MARCHF1: variants seen among roughly 807,000 people sequenced by gnomAD.
The protein encoded by MARCHF1 is E3 ubiquitin-protein ligase MARCHF1.
MARCHF1 carries 40 observed loss-of-function variants against 54.2 expected under a neutral mutation model. The observed-to-expected ratio is 0.74, with a 90% CI of 0.57 to 0.96. The LOEUF (loss-of-function observed/expected upper bound fraction) is 0.96. MARCHF1 is among the 40% of genes least tolerant of loss of function. The pLI is 0.00. For synonymous variants in MARCHF1, 236 were observed against 236.3 expected, an observed-to-expected ratio of 1.00 and a Z score of 0.01; for missense variants, 586 against 656.5, an observed-to-expected ratio of 0.89 and a Z score of 1.17.
At chr4:163,863,185 T>C (rs573818756) in intron 3 of MARCHF1, among the ~76,000 whole-genome samples, 1 of 152,098 alleles carries the variant, frequency 6.6e-6, no homozygotes, top group East Asian at 1.9e-4. Flanking sequence ...AGTTCAGGGA[T>C]CCCAGGATGG....
chr4:164,172,712 T>A (rs987382420), intron 1 of MARCHF1, among the ~76,000 whole-genome samples: 3 of 152,244 alleles, frequency 2.0e-5, no homozygotes, highest in Non-Finnish European at 4.4e-5. Flanking sequence ...GCGCGGTGGC[T>A]CACGCCTGTA....
At chr4:163,887,242 GGA>G (rs986808098) in intron 3 of MARCHF1, among the ~76,000 whole-genome samples, 14 of 152,116 alleles carry the variant, frequency 9.2e-5, no homozygotes, top group African/African-American at 3.1e-4. Context: ...TGATTGGGGA[GGA>G]GAGGGGACAT....
At chr4:163,638,305 A>G (rs2111023425) in intron 5 of MARCHF1, among the ~76,000 whole-genome samples, 1 of 152,146 alleles carries the variant, frequency 6.6e-6, no homozygotes, top group Non-Finnish European at 1.5e-5. Context: ...GGGCTGGTGA[A>G]AAACGTATGG....
chr4:164,088,295 T>C (rs1314535860), intron 2 of MARCHF1, among the ~76,000 whole-genome samples: 1 of 152,202 alleles, frequency 6.6e-6, no homozygotes, highest in Non-Finnish European at 1.5e-5. Flanking sequence ...GAAGTAAAGT[T>C]TGATAATTCT....
intron 4 of MARCHF1, among the ~76,000 whole-genome samples, chr4:163,719,515 G>A (rs1465721616): frequency 1.3e-5 from 2 of 152,156 alleles, no homozygotes; most frequent in Non-Finnish European, 2.9e-5. Context: ...CTTTATAGCA[G>A]CATGTTTTGT....
chr4:163,802,220 G>A (rs914826217), intron 4 of MARCHF1, among the ~76,000 whole-genome samples: 3 of 152,012 alleles, frequency 2.0e-5, no homozygotes, highest in African/African-American at 7.2e-5. Flanking sequence ...CCCTCAACAT[G>A]CCAGAGTCTA....
At chr4:164,109,331 T>C (rs1238541454) in intron 2 of MARCHF1, among the ~76,000 whole-genome samples, 1 of 152,024 alleles carries the variant, frequency 6.6e-6, no homozygotes, top group East Asian at 1.9e-4. Flanking sequence ...TTCAAAGTGC[T>C]ATCTTCAGTT....
rs545483141 is a variant in MARCHF1 at position 164,080,647 on chromosome 4, A to C, written c.-248+30941T>G. Reference sequence around the variant, plus strand: ...TTTCAAAGAAATCTAATAGTATTCTATTGTGTGTGTGTGTGTGTGTGTGTA... The same window carrying C: ...TTTCAAAGAAATCTAATAGTATTCTCTTGTGTGTGTGTGTGTGTGTGTGTA... On this transcript the variant is annotated intron_variant, in intron 2 of 9. Coordinates refer to ENST00000514618, the MANE Select transcript of MARCHF1 (RefSeq NM_001394959.1). 1.1e-3 allele frequency among the ~76,000 whole-genome samples: 167 copies of C among 145,738 alleles called. 1 individual carries two copies. Among genetic ancestry groups the C allele is most frequent in the Non-Finnish European group, 2.1e-3 (138 of 66,744 alleles).
chr4:163,608,596 C>A (rs1403454893), intron 7 of MARCHF1, among the ~76,000 whole-genome samples: 2 of 152,040 alleles, frequency 1.3e-5, no homozygotes, highest in Non-Finnish European at 2.9e-5. Context: ...TACTTTTCCA[C>A]TGCACTGTGG....
At chr4:164,044,554 C>A (rs1263846738) in intron 2 of MARCHF1, among the ~76,000 whole-genome samples, 1 of 151,560 alleles carries the variant, frequency 6.6e-6, no homozygotes, top group East Asian at 1.9e-4. Context: ...TACACAAATC[C>A]AAACCATATC....
At chr4:164,079,995 G>C (rs1220112768) in intron 2 of MARCHF1, among the ~76,000 whole-genome samples, 3 of 151,906 alleles carry the variant, frequency 2.0e-5, no homozygotes, top group African/African-American at 7.3e-5. Context: ...CTTGATTCTG[G>C]GCTGTCCTGT....
chr4:164,372,666 TTGAA>T (rs1458893417), intron 1 of MARCHF1, among the ~76,000 whole-genome samples: 2 of 152,136 alleles, frequency 1.3e-5, no homozygotes, highest in Admixed American at 6.5e-5. Flanking sequence ...AGATATGAGA[TTGAA>T]TGTTTGTGTT....
chr4:163,850,229 TCAGGGGTCTGGGTCCTAGATC>T (rs1307959090), intron 4 of MARCHF1, among the ~76,000 whole-genome samples: 1 of 152,156 alleles, frequency 6.6e-6, no homozygotes, highest in Non-Finnish European at 1.5e-5. Context: ...TGCACCCCCT[TCAGGGGTCTGGGTCCTAGATC>T]CACAGGATCC....
intron 4 of MARCHF1, among the ~76,000 whole-genome samples, chr4:163,821,585 A>G (rs1748694203): frequency 6.6e-6 from 1 of 152,062 alleles, no homozygotes; most frequent in African/African-American, 2.4e-5. Flanking sequence ...CAAAAAATTA[A>G]TCATAAAAAT....
intron 1 of MARCHF1, among the ~76,000 whole-genome samples, chr4:164,364,999 AT>A (rs1253792937): frequency 1.3e-5 from 2 of 152,132 alleles, no homozygotes; most frequent in African/African-American, 4.8e-5. Flanking sequence ...CATTTGAAAT[AT>A]TTTTTATCCC....
At chr4:164,062,036 C>A (rs998126316) in intron 2 of MARCHF1, among the ~76,000 whole-genome samples, 2 of 152,168 alleles carry the variant, frequency 1.3e-5, no homozygotes, top group Non-Finnish European at 2.9e-5. Flanking sequence ...TCTGATCAAA[C>A]CTCTTAAGCC....
chr4:164,148,142 A>AC (rs373746551), intron 1 of MARCHF1, among the ~76,000 whole-genome samples: 15 of 147,850 alleles, frequency 1.0e-4, no homozygotes, highest in South Asian at 4.3e-4. Context: ...TTAAAAAAAT[A>AC]ACACACACAC....
At chr4:163,667,288 T>A (rs1382422139) in intron 5 of MARCHF1, among the ~76,000 whole-genome samples, 1 of 152,144 alleles carries the variant, frequency 6.6e-6, no homozygotes, top group Admixed American at 6.6e-5. Context: ...TGGCTGAAAC[T>A]GCAAGGCTAG....
At chr4:164,362,758 T>G (rs1277814117) in intron 1 of MARCHF1, among the ~76,000 whole-genome samples, 1 of 152,064 alleles carries the variant, frequency 6.6e-6, no homozygotes, top group Non-Finnish European at 1.5e-5. Context: ...AAACATAAAT[T>G]TTTGCCATGG....
Sources: allele counts gnomAD v4.1 joint callset (sites outside exome capture counted in the v4.1 genomes callset), GRCh38; gene constraint gnomAD v4.1.1; transcripts MANE v1.5; gene names NCBI Gene and HGNC (gene_info 2026-07-23, HGNC 2026-07-21).